The following R3HDM1 variants were observed in gnomAD, a reference collection of about 807,000 sequenced individuals.
R3HDM1 encodes R3H domain-containing protein 1.
R3HDM1 carries 46 observed loss-of-function variants against 141.1 expected under a neutral mutation model. The observed-to-expected ratio is 0.33, with a 90% confidence interval of 0.26 to 0.42. The LOEUF is 0.42. R3HDM1 is among the 10% of genes least tolerant of loss of function. The probability of loss-of-function intolerance (pLI) is 1.00; values close to 1 mark genes in which losing one functional copy is unlikely to be tolerated. For missense variants in R3HDM1, 1,184 were observed against 1,368.3 expected, an observed-to-expected ratio of 0.87 and a Z score of 2.12; for synonymous variants, 435 against 472.9, an observed-to-expected ratio of 0.92 and a Z score of 1.04.
At chr2:135,606,161 TAGGCA>T (rs945468032) in intron 3 of R3HDM1, 1 of 152,254 alleles carries the variant, frequency 6.6e-6, no homozygotes, top group African/African-American at 2.4e-5. Context: ...GGCACCTAGG[TAGGCA>T]AGGCTGCAGT....
intron 1 of R3HDM1, among the ~76,000 whole-genome samples, chr2:135,561,682 C>T (rs1701823013): frequency 6.6e-6 from 1 of 151,826 alleles, no homozygotes; most frequent in African/African-American, 2.4e-5. Flanking sequence ...AGAACCACTG[C>T]ACTCCAGCTT....
intron 1 of R3HDM1, among the ~76,000 whole-genome samples, chr2:135,557,731 G>C (rs1188351048): frequency 6.6e-6 from 1 of 152,208 alleles, no homozygotes; most frequent in Admixed American, 6.5e-5. Flanking sequence ...CTGGAGTATA[G>C]TTCATGTCTA....
intron 1 of R3HDM1, among the ~76,000 whole-genome samples, chr2:135,542,049 C>T (rs977741382): frequency 6.6e-6 from 1 of 152,036 alleles, no homozygotes; most frequent in Non-Finnish European, 1.5e-5. Flanking sequence ...GTACCTTATA[C>T]TCATAGCCTA....
At chr2:135,546,622 A>G (rs1698750924) in intron 1 of R3HDM1, among the ~76,000 whole-genome samples, 1 of 152,176 alleles carries the variant, frequency 6.6e-6, no homozygotes, top group South Asian at 2.1e-4. Context: ...ATGAGATGTT[A>G]TCACAGAGCC....
chr2:135,710,593 T>C (rs1227625914), intron 23 of R3HDM1, among the ~76,000 whole-genome samples: 23 of 151,988 alleles, frequency 1.5e-4, no homozygotes, highest in Admixed American at 1.5e-3. Flanking sequence ...GAGGTTGTAG[T>C]GAGCCAAGAT....
chr2:135,567,571 A>G (rs543550822), intron 1 of R3HDM1, among the ~76,000 whole-genome samples: 19 of 152,138 alleles, frequency 1.2e-4, no homozygotes, highest in Non-Finnish European at 2.8e-4. Context: ...AGTTGCATCT[A>G]TTTTATCTTC....
intron 16 of R3HDM1, 126 bp from the exon 17 acceptor site, chr2:135,649,776 A>T: frequency 2.7e-6 from 1 of 375,432 alleles, no homozygotes; most frequent in Non-Finnish European, 4.0e-6. Context: ...CTATGTTGTT[A>T]TATTTTAAAT....
chr2:135,543,616 TTAA>T (rs1286672710), intron 1 of R3HDM1, among the ~76,000 whole-genome samples: 1 of 152,146 alleles, frequency 6.6e-6, no homozygotes, highest in Non-Finnish European at 1.5e-5. Flanking sequence ...TATTTAATGA[TTAA>T]TAAGAATGAT....
intron 18 of R3HDM1, among the ~76,000 whole-genome samples, chr2:135,660,005 A>G (rs1318904225): frequency 6.6e-6 from 1 of 152,208 alleles, no homozygotes; most frequent in African/African-American, 2.4e-5. Context: ...TTTGTGATAC[A>G]TGACTGTATG....
intron 14 of R3HDM1, among the ~76,000 whole-genome samples, chr2:135,640,999 GA>G (rs2063733587): frequency 1.3e-5 from 2 of 152,220 alleles, no homozygotes; most frequent in South Asian, 4.2e-4. Context: ...TACATTTTGG[GA>G]AAATGCTATG....
At chr2:135,581,143 A>G (rs1232927800) in intron 1 of R3HDM1, 2 of 970,328 alleles carry the variant, frequency 2.1e-6, no homozygotes, top group African/African-American at 3.5e-5. Flanking sequence ...GAGACCAGTA[A>G]GAAGCCTCTT....
At chr2:135,636,029 G>C in intron 10 of R3HDM1, 31 bp downstream of exon 10, 3 of 1,608,066 alleles carry the variant, frequency 1.9e-6, no homozygotes, top group Non-Finnish European at 2.5e-6. Context: ...GATTTGTATA[G>C]GTGCAAGACA....
chr2:135,550,218 T>C, intron 1 of R3HDM1: 1 of 984,922 alleles, frequency 1.0e-6, no homozygotes, highest in Non-Finnish European at 1.2e-6. Flanking sequence ...TAATGAATGC[T>C]GATTTTGAAA....
intron 1 of R3HDM1, among the ~76,000 whole-genome samples, chr2:135,550,718 T>C (rs890316568): frequency 1.3e-5 from 2 of 152,216 alleles, no homozygotes; most frequent in Non-Finnish European, 2.9e-5. Flanking sequence ...TATAAAATAT[T>C]GTGCCTTCTT....
chr2:135,641,869 G>A, intron 15 of R3HDM1, 79 bp downstream of exon 15: 4 of 1,394,878 alleles, frequency 2.9e-6, no homozygotes, highest in Middle Eastern at 4.7e-4. Flanking sequence ...CTGAATATGT[G>A]TAGTCAGCTT....
intron 11 of R3HDM1, among the ~76,000 whole-genome samples, chr2:135,636,896 T>C (rs948459702): frequency 1.2e-4 from 18 of 152,182 alleles, no homozygotes; most frequent in Non-Finnish European, 2.5e-4. Context: ...AGTGCTATCC[T>C]AGGCACTGGA....
chr2:135,660,134 A>G (rs1440211419), intron 18 of R3HDM1, among the ~76,000 whole-genome samples: 1 of 152,228 alleles, frequency 6.6e-6, no homozygotes, highest in Non-Finnish European at 1.5e-5. Context: ...ATATGTTTCA[A>G]TAAAGAAAGA....
intron 1 of R3HDM1, among the ~76,000 whole-genome samples, chr2:135,561,013 G>A (rs78016576): frequency 1.6e-3 from 245 of 152,312 alleles, no homozygotes; most frequent in African/African-American, 5.7e-3. Flanking sequence ...TTCTGTGCTT[G>A]TCACCTGAGT....
At chr2:135,534,931 G>A (rs1041957721) in intron 1 of R3HDM1, among the ~76,000 whole-genome samples, 1 of 152,144 alleles carries the variant, frequency 6.6e-6, no homozygotes, top group Non-Finnish European at 1.5e-5. Flanking sequence ...ATTGGTAGCA[G>A]TTTTGTTTTT....
Sources: allele counts gnomAD v4.1 joint callset (sites outside exome capture counted in the v4.1 genomes callset), GRCh38; gene constraint gnomAD v4.1.1; transcripts MANE v1.5; gene names NCBI Gene and HGNC (gene_info 2026-07-23, HGNC 2026-07-21).